The following CFAP221 variants were observed in gnomAD, a reference collection of about 807,000 sequenced individuals.
The protein encoded by CFAP221 is cilia and flagella associated protein 221, also known as cilia- and flagella-associated protein 221.
In CFAP221, 97 loss-of-function variants were observed where a neutral mutation model predicts 113.1. That is an observed-to-expected ratio of 0.86 (90% CI 0.73 to 1.02). The LOEUF (loss-of-function observed/expected upper bound fraction) is 1.02. Among genes scored for constraint, CFAP221 ranks in the 50% least tolerant of loss-of-function variants. CFAP221 has a pLI of 0.00. For synonymous variants in CFAP221, 331 were observed against 354.4 expected, an observed-to-expected ratio of 0.93 and a Z score of 0.74; for missense variants, 1,025 against 1,013.4, an observed-to-expected ratio of 1.01 and a Z score of -0.16.
intron 19 of CFAP221, among the ~76,000 whole-genome samples, chr2:119,631,640 A>T (rs980698940): frequency 6.6e-5 from 10 of 152,182 alleles, no homozygotes; most frequent in African/African-American, 2.4e-4. Flanking sequence ...ACGCCAGTGC[A>T]CTCCAGCCTG....
At chr2:119,565,549 G>A (rs1681559964) in intron 6 of CFAP221, among the ~76,000 whole-genome samples, 1 of 152,082 alleles carries the variant, frequency 6.6e-6, no homozygotes, top group Non-Finnish European at 1.5e-5. Flanking sequence ...CCTCCCTAGA[G>A]GCTGTTCCCA....
At chr2:119,651,214 G>A (rs1332083224) in intron 22 of CFAP221, among the ~76,000 whole-genome samples, 1 of 152,118 alleles carries the variant, frequency 6.6e-6, no homozygotes, top group Non-Finnish European at 1.5e-5. Flanking sequence ...ACATGCAGTG[G>A]CCCAGCCTGA....
intron 21 of CFAP221, among the ~76,000 whole-genome samples, chr2:119,641,854 G>A (rs1461584258): frequency 6.6e-6 from 1 of 152,178 alleles, no homozygotes; most frequent in Non-Finnish European, 1.5e-5. Flanking sequence ...CGGGTCTGGG[G>A]TGCTGTCAGC....
intron 11 of CFAP221, among the ~76,000 whole-genome samples, chr2:119,606,296 G>A (rs1684757834): frequency 6.6e-6 from 1 of 151,868 alleles, no homozygotes; most frequent in African/African-American, 2.4e-5. Context: ...CCCCATGCCT[G>A]AGCTAAAGTA....
intron 19 of CFAP221, among the ~76,000 whole-genome samples, chr2:119,633,454 A>G (rs930585293): frequency 3.9e-5 from 6 of 152,002 alleles, no homozygotes; most frequent in African/African-American, 1.4e-4. Context: ...TGGAAATTGC[A>G]TATCTGATAA....
chr2:119,651,850 G>A (rs574171915), intron 22 of CFAP221, 124 bp from the exon 23 acceptor site: 4 of 641,332 alleles, frequency 6.2e-6, no homozygotes, highest in Non-Finnish European at 1.0e-5. Context: ...AACAACAAAA[G>A]TAGATGGAAC....
chr2:119,634,023 T>C (rs1016747150), intron 19 of CFAP221, among the ~76,000 whole-genome samples: 2 of 151,182 alleles, frequency 1.3e-5, no homozygotes, highest in African/African-American at 2.4e-5. Context: ...CAGGAGGACC[T>C]CTTGAGTTCA....
chr2:119,592,162 C>T (rs994345433), intron 7 of CFAP221, among the ~76,000 whole-genome samples: 2 of 151,908 alleles, frequency 1.3e-5, no homozygotes, highest in African/African-American at 2.4e-5. Flanking sequence ...TGGAGGCATA[C>T]GATGATGCAG....
chr2:119,659,661 C>T (rs763204897), downstream of CFAP221, among the ~76,000 whole-genome samples: 1 of 22,808 alleles, frequency 4.4e-5, no homozygotes, highest in Non-Finnish European at 1.6e-4. Flanking sequence ...CATTCCTCCT[C>T]CACATTAACC....
At chr2:119,546,023 G>C (rs888572282) in intron 1 of CFAP221, 62 bp from the exon 2 acceptor site, 5 of 1,225,538 alleles carry the variant, frequency 4.1e-6, no homozygotes, top group African/African-American at 3.1e-5. Context: ...ATTTATCAAA[G>C]AAAGAGAAAA....
Position 119,636,763 on chromosome 2 carries a change from C to T in CFAP221, c.1975-1496C>T, listed in dbSNP as rs142178021. On this transcript the variant is annotated intron_variant, in intron 19 of 23. Transcript: ENST00000413369. ...TTGCAGCCGAGGTGAGTCGCTACCACATGCATGCGTTAGTTTAGGAAAATT... is the reference window on the plus strand; with the variant it reads ...TTGCAGCCGAGGTGAGTCGCTACCATATGCATGCGTTAGTTTAGGAAAATT... Among the ~76,000 whole-genome samples, 386 of 152,338 alleles carry T rather than the reference C, an allele frequency of 2.5e-3. 2 individuals carry two copies. Among genetic ancestry groups the T allele is most frequent in the African/African-American group, 8.9e-3 (370 of 41,572 alleles).
chr2:119,609,671 T>C (rs1574124509), intron 12 of CFAP221, among the ~76,000 whole-genome samples: 1 of 152,198 alleles, frequency 6.6e-6, no homozygotes, highest in Non-Finnish European at 1.5e-5. Context: ...CATCACATGC[T>C]GAGTTCTAGG....
intron 11 of CFAP221, among the ~76,000 whole-genome samples, chr2:119,605,596 C>A (rs1454836575): frequency 6.6e-6 from 1 of 152,136 alleles, no homozygotes; most frequent in African/African-American, 2.4e-5. Context: ...CCCCCAATCT[C>A]ACCCCCATCA....
chr2:119,630,866 G>C lies in CFAP221; in HGVS notation c.1939G>C (p.Ala647Pro). 1 of 1,613,714 alleles carries C rather than the reference G, an allele frequency of 6.2e-7. No homozygotes were observed. Among genetic ancestry groups the C allele is most frequent in the Non-Finnish European group, 8.5e-7 (1 of 1,179,570 alleles). Residue 647 changes from alanine (A) to proline (P), a missense_variant, in exon 19 of 24, where the codon GCC (alanine) becomes CCC (proline). Coordinates refer to ENST00000413369, the MANE Select transcript of CFAP221 (RefSeq NM_001271049.2). ...GAGCATGAAACCACCTGAGGCCTTA[G>C]CCATGTCTCTAGATTATGATCCTCT... ...VLSMKPPEAL[A>P]MSLDYDPLYV... is the part of the protein sequence containing the mutation.
chr2:119,632,092 A>C (rs1686809278), intron 19 of CFAP221, among the ~76,000 whole-genome samples: 1 of 152,052 alleles, frequency 6.6e-6, no homozygotes, highest in South Asian at 2.1e-4. Context: ...TTAAGGAAGG[A>C]ATAATACAAA....
intron 16 of CFAP221, among the ~76,000 whole-genome samples, chr2:119,628,154 G>T (rs1574176941): frequency 6.6e-6 from 1 of 152,190 alleles, no homozygotes; most frequent in African/African-American, 2.4e-5. Context: ...CCCTTCTGCT[G>T]CCTGGGCAAA....
At chr2:119,550,704 C>T (rs1270700024) in intron 3 of CFAP221, among the ~76,000 whole-genome samples, 1 of 152,084 alleles carries the variant, frequency 6.6e-6, no homozygotes, top group Non-Finnish European at 1.5e-5. Flanking sequence ...TTATTACTTG[C>T]TCCTTATGCT....
chr2:119,649,829 A>G (rs1688020843), intron 22 of CFAP221, among the ~76,000 whole-genome samples: 1 of 152,160 alleles, frequency 6.6e-6, no homozygotes. Context: ...TGCAAGAAAG[A>G]GGGGGAAGAG....
intron 14 of CFAP221, 47 bp from the exon 15 acceptor site, chr2:119,625,536 G>A (rs568357681): frequency 6.6e-6 from 10 of 1,504,970 alleles, no homozygotes; most frequent in Non-Finnish European, 9.2e-6. Flanking sequence ...GCCAAAATGA[G>A]CGTGTGTTGA....
Sources: allele counts gnomAD v4.1 joint callset (sites outside exome capture counted in the v4.1 genomes callset), GRCh38; gene constraint gnomAD v4.1.1; transcripts MANE v1.5; gene names NCBI Gene and HGNC (gene_info 2026-07-23, HGNC 2026-07-21).